SPON1: variants seen among roughly 807,000 people sequenced by gnomAD.
SPON1 encodes spondin 1, also known as spondin-1.
Under a neutral mutation model 111.7 loss-of-function variants are expected in SPON1, and 52 were observed. The ratio of observed to expected loss-of-function variants is 0.47; its 90% CI spans 0.37 to 0.59. The LOEUF (loss-of-function observed/expected upper bound fraction) is 0.59, where lower values mean the gene tolerates loss of function less well. Among genes scored for constraint, SPON1 ranks in the 20% least tolerant of loss-of-function variants. SPON1 has a pLI of 0.00. For synonymous variants in SPON1, 410 were observed against 395.8 expected (o/e 1.04, Z -0.43); for missense variants, 957 against 1,068.5 (o/e 0.90, Z 1.46).
chr11:14,167,219 T>G (rs1167758381), intron 6 of SPON1, among the ~76,000 whole-genome samples: 3 of 152,158 alleles, frequency 2.0e-5, no homozygotes, highest in Non-Finnish European at 4.4e-5. Flanking sequence ...ATGTCATTAC[T>G]GGACTTTAGA....
chr11:14,020,291 G>A (rs1848471268), intron 2 of SPON1, among the ~76,000 whole-genome samples: 1 of 152,166 alleles, frequency 6.6e-6, no homozygotes, highest in Non-Finnish European at 1.5e-5. Flanking sequence ...ACCCCAAAGG[G>A]AAGAGCTGGG....
intron 6 of SPON1, among the ~76,000 whole-genome samples, chr11:14,136,782 T>G (rs1847597402): frequency 6.6e-6 from 1 of 152,216 alleles, no homozygotes; most frequent in Non-Finnish European, 1.5e-5. Flanking sequence ...GAGTGCATGC[T>G]ATTCATCCAA....
intron 2 of SPON1, among the ~76,000 whole-genome samples, chr11:14,027,019 G>A (rs1554915413): frequency 6.6e-6 from 1 of 152,172 alleles, no homozygotes; most frequent in Non-Finnish European, 1.5e-5. Flanking sequence ...TGATAAGCTT[G>A]TGCCTCTGAT....
chr11:14,255,642 T>C lies in SPON1; in HGVS notation c.1093-5T>C, dbSNP rs782597586. The C allele has an allele frequency of 6.2e-7, 1 of 1,613,264 alleles. No individual in the cohort carries two copies. The highest frequency in any genetic ancestry group is 8.5e-7 in the Non-Finnish European group (1 of 1,179,540). The stretch of plus-strand genomic sequence containing the variant: ...TACTCTCTACCTCTGTATGTTTTCT[T>C]GCAGTCACCCAACAAACCCACCATT... On this transcript the variant is annotated splice_polypyrimidine_tract_variant and splice_region_variant and intron_variant, in intron 8 of 15. Coordinates refer to ENST00000576479, the MANE Select transcript of SPON1 (RefSeq NM_006108.4).
intron 6 of SPON1, among the ~76,000 whole-genome samples, chr11:14,144,117 C>T (rs1026361427): frequency 1.7e-4 from 26 of 152,116 alleles, no homozygotes; most frequent in East Asian, 5.8e-4. Flanking sequence ...TGAAATAATA[C>T]GTGTACAAAG....
intron 7 of SPON1, among the ~76,000 whole-genome samples, chr11:14,247,855 G>A (rs991132288): frequency 6.6e-6 from 1 of 152,184 alleles, no homozygotes; most frequent in Middle Eastern, 3.2e-3. Flanking sequence ...TACATGGTTG[G>A]CTAGATAGCT....
chr11:14,263,594 A>ATAAC, intron 15 of SPON1, among the ~76,000 whole-genome samples: 1 of 152,328 alleles, frequency 6.6e-6, no homozygotes, highest in East Asian at 1.9e-4. Flanking sequence ...AAGCTGACAA[A>ATAAC]TAACTAATAG....
chr11:14,075,741 T>C (rs782257089), intron 4 of SPON1, among the ~76,000 whole-genome samples: 13 of 152,206 alleles, frequency 8.5e-5, no homozygotes, highest in Non-Finnish European at 1.5e-4. Flanking sequence ...AATGCACAAT[T>C]GTGTACCTTT....
chr11:14,022,403 A>G (rs1848487248), intron 2 of SPON1, among the ~76,000 whole-genome samples: 1 of 152,182 alleles, frequency 6.6e-6, no homozygotes, highest in Non-Finnish European at 1.5e-5. Context: ...TTACTCATAC[A>G]TTGATGTTTA....
chr11:14,146,142 T>C (rs1295579803), intron 6 of SPON1, among the ~76,000 whole-genome samples: 2 of 146,488 alleles, frequency 1.4e-5, no homozygotes, highest in Non-Finnish European at 3.0e-5. Flanking sequence ...TGAACACAAA[T>C]TACTATACTT....
At position 14,219,705 on chromosome 11, in the gene SPON1, T is replaced by C. The variant is rs566206929; in HGVS notation, c.826-23627T>C. 7.9e-5 allele frequency among the ~76,000 whole-genome samples: 12 copies of C among 152,296 alleles called. No individual in the cohort carries two copies. In the South Asian group the frequency reaches 2.1e-3, roughly 26 times the overall value. On this transcript the variant is annotated intron_variant, in intron 6 of 15. Transcript: ENST00000576479. ...TTCTGTGCAGTCCAAGAAGATAGCA[T>C]GACCAGATGACATGATGTGTTTATC...
At chr11:14,159,572 A>G (rs1847886901) in intron 6 of SPON1, among the ~76,000 whole-genome samples, 1 of 152,134 alleles carries the variant, frequency 6.6e-6, no homozygotes, top group African/African-American at 2.4e-5. Flanking sequence ...TATCAAAGAG[A>G]TATCTGCACT....
intron 6 of SPON1, among the ~76,000 whole-genome samples, chr11:14,229,104 A>C (rs1386612073): frequency 6.6e-6 from 1 of 152,158 alleles, no homozygotes; most frequent in Non-Finnish European, 1.5e-5. Flanking sequence ...TTTTACGAAT[A>C]CTTCTTTGGG....
intron 5 of SPON1, among the ~76,000 whole-genome samples, chr11:14,101,710 A>G (rs900341899): frequency 1.3e-5 from 2 of 152,202 alleles, no homozygotes; most frequent in Non-Finnish European, 1.5e-5. Flanking sequence ...AAAAAGGTCT[A>G]TTAATTAAAG....
chr11:14,185,212 A>G (rs1354721992), intron 6 of SPON1, among the ~76,000 whole-genome samples: 1 of 152,158 alleles, frequency 6.6e-6, no homozygotes, highest in Admixed American at 6.5e-5. Flanking sequence ...ACCTGTAATG[A>G]CCCCCCACCA....
chr11:14,255,738 G>A lies in SPON1; in HGVS notation c.1184G>A (p.Gly395Glu), dbSNP rs1849099769. 6.2e-7 allele frequency: 1 copy of A among 1,613,698 alleles called. No homozygotes were observed. The highest frequency in any genetic ancestry group is 1.1e-5 in the South Asian group (1 of 91,076). Reference protein sequence around the residue: ...PQSPFYDPEGGSITQVARVVI... With the variant: ...PQSPFYDPEGESITQVARVVI... ...AGTCCTTTCTATGACCCAGAGGGTGGGTCCATCACTCAAGTAGCCAGAGTT... is the reference window on the plus strand; with the variant it reads ...AGTCCTTTCTATGACCCAGAGGGTGAGTCCATCACTCAAGTAGCCAGAGTT... The change falls in exon 9 of 16, where the codon GGG becomes GAG. Residue 395 changes from glycine to glutamate, a missense_variant. Coordinates refer to ENST00000576479, the MANE Select transcript of SPON1 (RefSeq NM_006108.4).
chr11:14,084,997 T>G lies in SPON1; in HGVS notation c.676+4976T>G, dbSNP rs1364895120. Among the ~76,000 whole-genome samples, 5 of 147,030 alleles carry G rather than the reference T, an allele frequency of 3.4e-5. No homozygotes were observed. The East Asian group carries it at 1.0e-3, about 30-fold the overall frequency. ...CTTCACCCACTTTTTGATGGGGTTG[T>G]TTTTTTCTTGTAAATTTGTTTGAGT... On this transcript the variant is annotated intron_variant, in intron 5 of 15. Coordinates refer to ENST00000576479, the MANE Select transcript of SPON1 (RefSeq NM_006108.4).
At position 14,001,761 on chromosome 11, in the gene SPON1, GACAA is replaced by G. The variant is rs577455169; in HGVS notation, c.345+18816_345+18819del. Among the ~76,000 whole-genome samples the G allele has an allele frequency of 1.3e-4, 19 of 151,868 alleles. No homozygotes were observed. In the East Asian group the frequency reaches 3.1e-3, roughly 25 times the overall value. On this transcript the variant is annotated intron_variant, in intron 2 of 15. Coordinates refer to ENST00000576479, the MANE Select transcript of SPON1 (RefSeq NM_006108.4). ...AAAGACAAAAATGAGAAGAAAGAATGACAAACAAACATAATAACCAAGAACTGCA... is the reference window on the plus strand; with the variant it reads ...AAAGACAAAAATGAGAAGAAAGAATGACAAACATAATAACCAAGAACTGCA...
chr11:14,219,261 A>G (rs1387764292), intron 6 of SPON1, among the ~76,000 whole-genome samples: 1 of 152,200 alleles, frequency 6.6e-6, no homozygotes, highest in Admixed American at 6.5e-5. Context: ...GTCACATTCA[A>G]TTTTATTGAA....
Sources: allele counts gnomAD v4.1 joint callset (sites outside exome capture counted in the v4.1 genomes callset), GRCh38; gene constraint gnomAD v4.1.1; transcripts MANE v1.5; gene names NCBI Gene and HGNC (gene_info 2026-07-23, HGNC 2026-07-21).